GLRA2: variants seen among roughly 807,000 people sequenced by gnomAD.
GLRA2 encodes the protein glycine receptor subunit alpha-2.
GLRA2 carries 11 observed loss-of-function variants against 31.6 expected under a neutral mutation model. That is an observed-to-expected ratio of 0.35 (90% CI 0.22 to 0.58). The LOEUF (loss-of-function observed/expected upper bound fraction) is 0.58, where lower values mean the gene tolerates loss of function less well. GLRA2 is among the 20% of genes least tolerant of loss of function. GLRA2 has a pLI of 0.84. For missense variants in GLRA2, 212 were observed against 351.8 expected, an observed-to-expected ratio of 0.60 and a Z score of 3.18; for synonymous variants, 132 against 134.0, an observed-to-expected ratio of 0.99 and a Z score of 0.10.
chrX:14,470,095 C>T, the GLRA2 span, among the ~76,000 whole-genome samples: 7 of 111,453 alleles, frequency 6.3e-5, no homozygotes, highest in African/African-American at 2.3e-4. Flanking sequence ...CATTTTCATC[C>T]TTAAGTCAAA....
chrX:14,612,925 G>A, intron 7 of GLRA2, among the ~76,000 whole-genome samples: 1 of 110,013 alleles, frequency 9.1e-6, no homozygotes, highest in Non-Finnish European at 1.9e-5. Flanking sequence ...GTATATCTAT[G>A]TAACACAACT....
intron 2 of GLRA2, among the ~76,000 whole-genome samples, chrX:14,540,046 A>G (rs751266627): frequency 9.0e-5 from 10 of 111,725 alleles, no homozygotes; most frequent in Admixed American, 1.9e-4. Flanking sequence ...ACCATGTGCC[A>G]GGTACCATTG....
intron 7 of GLRA2, among the ~76,000 whole-genome samples, chrX:14,657,751 A>G (rs780259526): frequency 2.7e-5 from 3 of 112,491 alleles, no homozygotes; most frequent in East Asian, 5.6e-4. Flanking sequence ...AAGTTAAAAT[A>G]TCAGCCCTCA....
chrX:14,615,478 A>G (rs1281078668), intron 7 of GLRA2, among the ~76,000 whole-genome samples: 1 of 111,617 alleles, frequency 9.0e-6, no homozygotes, highest in African/African-American at 3.3e-5. Context: ...TAGGATAAAA[A>G]GATATATGAA....
chrX:14,518,490 CAGAT>C, the GLRA2 span, among the ~76,000 whole-genome samples: 2 of 111,414 alleles, frequency 1.8e-5, no homozygotes, highest in African/African-American at 6.5e-5. Flanking sequence ...AGCAGTGAAA[CAGAT>C]AAAGAAATTG....
the GLRA2 span, among the ~76,000 whole-genome samples, chrX:14,487,825 A>G: frequency 3.6e-5 from 4 of 111,787 alleles, no homozygotes; most frequent in Non-Finnish European, 7.5e-5. Flanking sequence ...CAAAGCAGGC[A>G]TTGCTAATCT....
chrX:14,720,841 T>C (rs2091855202), intron 8 of GLRA2, among the ~76,000 whole-genome samples: 1 of 111,267 alleles, frequency 9.0e-6, no homozygotes, highest in Non-Finnish European at 1.9e-5. Flanking sequence ...TAAAAACTGT[T>C]GGGGGCAGGG....
the GLRA2 span, among the ~76,000 whole-genome samples, chrX:14,459,446 C>G: frequency 9.1e-6 from 1 of 110,415 alleles, no homozygotes; most frequent in Non-Finnish European, 1.9e-5. Context: ...GGCATTGAAT[C>G]TATAAATTAC....
chrX:14,636,126 T>C lies in GLRA2; in HGVS notation c.930+26921T>C, dbSNP rs147605792. On this transcript the variant is annotated intron_variant, in intron 7 of 8. Transcript: ENST00000218075. ...AGGTCATACTGATATAAATAAATGA[T>C]TGCATAAAAATAATTGAGGTAGAAA... Among the ~76,000 whole-genome samples, 142 of 111,861 alleles carry C rather than the reference T, an allele frequency of 1.3e-3. 1 individual carries two copies. Among genetic ancestry groups the C allele is most frequent in the African/African-American group, 4.4e-3 (136 of 30,829 alleles).
the GLRA2 span, among the ~76,000 whole-genome samples, chrX:14,462,383 A>G: frequency 1.4e-4 from 15 of 110,719 alleles, no homozygotes; most frequent in African/African-American, 4.9e-4. Context: ...CCTGAATTTG[A>G]ATGTTGGCCT....
At chrX:14,506,376 T>G in the GLRA2 span, among the ~76,000 whole-genome samples, 1 of 111,520 alleles carries the variant, frequency 9.0e-6, no homozygotes, top group Non-Finnish European at 1.9e-5. Flanking sequence ...ATCCTCGCTT[T>G]CACAGTGCAC....
At chrX:14,521,289 C>T in the GLRA2 span, among the ~76,000 whole-genome samples, 1 of 112,017 alleles carries the variant, frequency 8.9e-6, no homozygotes, top group African/African-American at 3.2e-5. Flanking sequence ...AATCCATCCT[C>T]AATGTGGTGG....
At chrX:14,556,811 C>G (rs928579160) in intron 2 of GLRA2, among the ~76,000 whole-genome samples, 3 of 112,016 alleles carry the variant, frequency 2.7e-5, no homozygotes, top group Non-Finnish European at 5.6e-5. Flanking sequence ...CAGAGTGACT[C>G]AAGAGCTATT....
At chrX:14,498,554 A>G in the GLRA2 span, among the ~76,000 whole-genome samples, 1 of 111,076 alleles carries the variant, frequency 9.0e-6, no homozygotes, top group African/African-American at 3.3e-5. Context: ...TAATTTGTAC[A>G]GATCAAATCA....
intron 7 of GLRA2, among the ~76,000 whole-genome samples, chrX:14,660,966 A>G (rs1442604268): frequency 8.9e-6 from 1 of 112,017 alleles, no homozygotes; most frequent in Non-Finnish European, 1.9e-5. Flanking sequence ...AGCTCCTGGC[A>G]TTTCTTTGTT....
chrX:14,499,578 C>T, the GLRA2 span, among the ~76,000 whole-genome samples: 3 of 111,127 alleles, frequency 2.7e-5, no homozygotes, highest in Non-Finnish European at 3.8e-5. Flanking sequence ...CAGCTGGAGG[C>T]CACTATCCTA....
the GLRA2 span, among the ~76,000 whole-genome samples, chrX:14,450,041 G>A: frequency 1.8e-5 from 2 of 111,906 alleles, no homozygotes; most frequent in South Asian, 3.7e-4. Flanking sequence ...GGAGCAGAAG[G>A]CTTGGGACAA....
the GLRA2 span, among the ~76,000 whole-genome samples, chrX:14,484,631 G>C: frequency 7.1e-5 from 8 of 111,971 alleles, no homozygotes; most frequent in South Asian, 1.1e-3. Flanking sequence ...GAGTGAGCAT[G>C]GCTTTTGTAA....
At chrX:14,717,042 C>G (rs1008778730) in intron 8 of GLRA2, among the ~76,000 whole-genome samples, 1 of 111,287 alleles carries the variant, frequency 9.0e-6, no homozygotes, top group East Asian at 2.8e-4. Context: ...AAAAAAGCAA[C>G]AACAAATCTG....
Sources: gnomAD v4.1 joint callset for allele counts (sites outside exome capture counted in the v4.1 genomes callset) on GRCh38, gnomAD v4.1.1 for gene constraint, MANE v1.5 for transcripts, NCBI Gene and HGNC (gene_info 2026-07-23, HGNC 2026-07-21) for gene names.